Variants in RBM47 observed in about 807,000 individuals in gnomAD.
The protein encoded by RBM47 is RNA binding motif protein 47.
A neutral mutation model predicts 47.1 loss-of-function variants in RBM47; 21 were observed. The observed-to-expected ratio is 0.45, with a 90% CI of 0.32 to 0.64. RBM47 has a LOEUF of 0.64. Among genes scored for constraint, RBM47 ranks in the 30% least tolerant of loss-of-function variants. The probability of loss-of-function intolerance (pLI) is 0.05; values close to 1 mark genes in which losing one functional copy is unlikely to be tolerated. For missense variants in RBM47, 708 were observed against 870.9 expected, an observed-to-expected ratio of 0.81 and a Z score of 2.35; for synonymous variants, 375 against 361.7, an observed-to-expected ratio of 1.04 and a Z score of -0.42.
rs775496860 is a variant in RBM47, at chr4:40,514,734, A to AG, written c.-155+29687dup. The AG allele has an allele frequency of 3.3e-5, 5 of 152,392 alleles. No individual in the cohort carries two copies. In the East Asian group the frequency reaches 9.6e-4, roughly 29 times the overall value. 9.4% of individuals were successfully genotyped at this position (152,392 alleles called of 1,614,324 possible). A position where few individuals can be genotyped will look rare whatever the true frequency, so the allele number is the denominator to read the frequency against. ...TGTACAATAATGAAAATGAACAAGC[A>AG]GGCTCTATTTCCACACTTCCCCTTA... On this transcript the variant is annotated intron_variant, in intron 2 of 6. Transcript: ENST00000295971.
chr4:40,510,378 A>T (rs1332021930), intron 2 of RBM47, among the ~76,000 whole-genome samples: 1 of 151,952 alleles, frequency 6.6e-6, no homozygotes. Context: ...CCTTTCATTC[A>T]TTTATTCATA....
chr4:40,605,748 T>C (rs55945674), intron 1 of RBM47, among the ~76,000 whole-genome samples: 32,889 of 151,534 alleles, frequency 0.22, 3,787 homozygotes, highest in Admixed American at 0.28. Context: ...GGAGAATCAC[T>C]TGAACCCGAG....
chr4:40,488,175 G>A (rs1458820048), intron 2 of RBM47, among the ~76,000 whole-genome samples: 2 of 152,020 alleles, frequency 1.3e-5, no homozygotes, highest in Non-Finnish European at 2.9e-5. Flanking sequence ...ATTAGCCAGT[G>A]TAGTGGTGCG....
intron 1 of RBM47, among the ~76,000 whole-genome samples, chr4:40,586,073 G>A (rs765415492): frequency 6.6e-6 from 1 of 152,152 alleles, no homozygotes; most frequent in Admixed American, 6.6e-5. Context: ...AACGCCATGG[G>A]GCAGAAATCC....
chr4:40,492,447 C>A (rs547874014), intron 2 of RBM47, among the ~76,000 whole-genome samples: 3 of 152,290 alleles, frequency 2.0e-5, no homozygotes, highest in African/African-American at 7.2e-5. Context: ...CCACTTATTA[C>A]CCTCCACTTC....
rs1476072691 is a variant in RBM47, at chr4:40,423,635, TTTTA to T, written c.*2265_*2268del. On this transcript the variant is annotated 3_prime_UTR_variant, in exon 7 of 7. Coordinates refer to ENST00000295971, the MANE Select transcript of RBM47 (RefSeq NM_001098634.2). The stretch of plus-strand genomic sequence containing the variant: ...TGGTGGTTGCCATGTTATCATTTTT[TTTTA>T]TTCTTTCTTTCTTTTTCTTTCTTTC... 221 of 151,712 alleles carry T rather than the reference TTTTA, an allele frequency of 1.5e-3. No individual in the cohort carries two copies. The highest frequency in any genetic ancestry group is 4.8e-3 in the African/African-American group (198 of 41,252). 9.4% of individuals were successfully genotyped at this position (151,712 alleles called of 1,614,324 possible).
At chr4:40,448,176 A>G (rs1714842177) in intron 3 of RBM47, among the ~76,000 whole-genome samples, 2 of 152,012 alleles carry the variant, frequency 1.3e-5, no homozygotes, top group Admixed American at 1.3e-4. Context: ...AGCCTGGGTG[A>G]CAGAGTGAGA....
chr4:40,490,914 T>C (rs1238338487), intron 2 of RBM47, among the ~76,000 whole-genome samples: 1 of 152,046 alleles, frequency 6.6e-6, no homozygotes, highest in Non-Finnish European at 1.5e-5. Context: ...AATTGATAAA[T>C]GGATACTAAA....
At chr4:40,547,425 G>A (rs562553265) in intron 1 of RBM47, among the ~76,000 whole-genome samples, 276 of 152,318 alleles carry the variant, frequency 1.8e-3, no homozygotes, top group African/African-American at 6.2e-3. Flanking sequence ...CACAGTGAGT[G>A]GGCAGCCATC....
chr4:40,430,008 C>G (rs1715684151), intron 6 of RBM47, among the ~76,000 whole-genome samples: 1 of 151,840 alleles, frequency 6.6e-6, no homozygotes. Context: ...TCCTGGCTAA[C>G]AGGTGAAACC....
chr4:40,464,669 G>A (rs1419813044), intron 3 of RBM47, among the ~76,000 whole-genome samples: 1 of 151,800 alleles, frequency 6.6e-6, no homozygotes, highest in Non-Finnish European at 1.5e-5. Flanking sequence ...GGAGGCCGAG[G>A]CGGGAGGATC....
At chr4:40,577,742 A>G (rs1002346391) in intron 1 of RBM47, among the ~76,000 whole-genome samples, 1 of 151,962 alleles carries the variant, frequency 6.6e-6, no homozygotes, top group South Asian at 2.1e-4. Context: ...CTTATCACAG[A>G]CCGTTTAAAA....
chr4:40,548,342 G>C (rs1729221697), intron 1 of RBM47, among the ~76,000 whole-genome samples: 1 of 152,238 alleles, frequency 6.6e-6, no homozygotes, highest in African/African-American at 2.4e-5. Flanking sequence ...AGACGGGCAG[G>C]GGAGAGCAAC....
chr4:40,454,944 T>TAAG lies in RBM47; in HGVS notation c.-32+11632_-32+11633insCTT, dbSNP rs749869972. Among the ~76,000 whole-genome samples, 316 of 152,338 alleles carry TAAG rather than the reference T, an allele frequency of 2.1e-3. 1 individual carries two copies. Among genetic ancestry groups the TAAG allele is most frequent in the Non-Finnish European group, 3.5e-3 (238 of 68,030 alleles). ...TGCTACTTACTTACTTACAGCAGGT[T>TAAG]TAGCAATAGCCAGTGTTAACAGGAT... is the stretch of plus-strand genomic sequence containing the variant. On this transcript the variant is annotated intron_variant, in intron 3 of 6. Transcript: ENST00000295971.
chr4:40,606,975 C>T (rs1304948819), intron 1 of RBM47, among the ~76,000 whole-genome samples: 2 of 151,856 alleles, frequency 1.3e-5, no homozygotes, highest in Non-Finnish European at 2.9e-5. Context: ...TGAGCAAGAC[C>T]CTGTCAGAAA....
intron 2 of RBM47, among the ~76,000 whole-genome samples, chr4:40,534,927 T>C (rs1727783608): frequency 7.8e-6 from 1 of 128,728 alleles, no homozygotes; most frequent in Admixed American, 8.5e-5. Context: ...GGAGCAAGAC[T>C]CCGTCTCAGA....
intron 2 of RBM47, among the ~76,000 whole-genome samples, chr4:40,521,553 C>T (rs1004214572): frequency 2.0e-5 from 3 of 152,052 alleles, no homozygotes; most frequent in South Asian, 2.1e-4. Context: ...ATATTCTGTG[C>T]GATGAAACAG....
At chr4:40,443,717 CAAAAAAAAAAAAAAAAAA>C (rs10581870) in intron 3 of RBM47, among the ~76,000 whole-genome samples, 18 of 47,746 alleles carry the variant, frequency 3.8e-4, no homozygotes, top group South Asian at 2.7e-3. Flanking sequence ...AACTCCTTCT[CAAAAAAAAAAAAAAAAAA>C]AAAAAAAAAA....
intron 1 of RBM47, among the ~76,000 whole-genome samples, chr4:40,556,257 A>G (rs1730076666): frequency 6.6e-6 from 1 of 151,858 alleles, no homozygotes; most frequent in African/African-American, 2.4e-5. Context: ...ACTGTTCTCC[A>G]TCTCCTGACC....
Sources: allele counts gnomAD v4.1 joint callset (sites outside exome capture counted in the v4.1 genomes callset), GRCh38; gene constraint gnomAD v4.1.1; transcripts MANE v1.5; gene names NCBI Gene and HGNC (gene_info 2026-07-23, HGNC 2026-07-21).